SCFD2: variants seen among roughly 807,000 people sequenced by gnomAD.
The protein encoded by SCFD2 is sec1 family domain containing 2.
A neutral mutation model predicts 58.9 loss-of-function variants in SCFD2; 54 were observed. The observed-to-expected ratio is 0.92, with a 90% confidence interval of 0.74 to 1.15. The LOEUF (loss-of-function observed/expected upper bound fraction) is 1.15, where lower values mean the gene tolerates loss of function less well. SCFD2 is among the 50% of genes most tolerant of loss of function. The pLI, the probability that SCFD2 is intolerant of heterozygous loss-of-function variation, is 0.00. For synonymous variants in SCFD2, 321 were observed against 335.9 expected (o/e 0.96, Z 0.49); for missense variants, 805 against 836.6 (o/e 0.96, Z 0.47).
Position 52,908,882 on chromosome 4 carries a change from G to T in SCFD2, c.1708-1291C>A, listed in dbSNP as rs536861433. Among the ~76,000 whole-genome samples the T allele has an allele frequency of 4.6e-5, 7 of 152,284 alleles. No individual in the cohort carries two copies. In the East Asian group the frequency reaches 1.3e-3, roughly 29 times the overall value. On this transcript the variant is annotated intron_variant, in intron 6 of 8. Coordinates refer to ENST00000401642, the MANE Select transcript of SCFD2 (RefSeq NM_152540.4). ...AGTCAAACAGACCATTGTTTGTCCA[G>T]AGATCTCATGGTTACATGATCAGGA...
At chr4:53,199,809 G>C (rs532575638) in intron 4 of SCFD2, among the ~76,000 whole-genome samples, 1 of 152,238 alleles carries the variant, frequency 6.6e-6, no homozygotes, top group South Asian at 2.1e-4. Flanking sequence ...TATTTTCTCA[G>C]TTTTAGAAGC....
intron 4 of SCFD2, among the ~76,000 whole-genome samples, chr4:53,257,593 TA>T (rs1206098014): frequency 6.6e-6 from 1 of 151,674 alleles, no homozygotes; most frequent in South Asian, 2.1e-4. Context: ...TATACTCTAA[TA>T]AAAAAAAATT....
At chr4:53,027,989 G>A (rs4419529) in intron 5 of SCFD2, among the ~76,000 whole-genome samples, 24,522 of 152,038 alleles carry the variant, frequency 0.16, 3,623 homozygotes, top group African/African-American at 0.4. Flanking sequence ...GCTCATGCCT[G>A]TAATCCCAGC....
chr4:53,173,948 A>G (rs1727253497), intron 4 of SCFD2, among the ~76,000 whole-genome samples: 1 of 152,210 alleles, frequency 6.6e-6, no homozygotes, highest in African/African-American at 2.4e-5. Flanking sequence ...AGAATATGTT[A>G]TATAAAAAAT....
At chr4:53,251,170 A>C (rs1331602307) in intron 4 of SCFD2, among the ~76,000 whole-genome samples, 1 of 152,202 alleles carries the variant, frequency 6.6e-6, no homozygotes, top group African/African-American at 2.4e-5. Context: ...ACACTCTCCC[A>C]AGACTAAACC....
intron 6 of SCFD2, among the ~76,000 whole-genome samples, chr4:52,914,913 A>G (rs1719567737): frequency 6.6e-6 from 1 of 152,150 alleles, no homozygotes; most frequent in Non-Finnish European, 1.5e-5. Context: ...GATGGCTGAT[A>G]CACATGGAAT....
intron 4 of SCFD2, among the ~76,000 whole-genome samples, chr4:53,163,388 C>A (rs1392560819): frequency 6.6e-6 from 1 of 152,116 alleles, no homozygotes; most frequent in East Asian, 1.9e-4. Context: ...AAATGAACCA[C>A]CGCTCCTCTA....
intron 4 of SCFD2, among the ~76,000 whole-genome samples, chr4:53,211,243 A>G (rs1382610553): frequency 5.9e-5 from 1 of 16,866 alleles, no homozygotes; most frequent in African/African-American, 2.0e-4. Flanking sequence ...CTCCATGTGA[A>G]AAAAAAAAAA....
chr4:53,298,346 T>A (rs924831064), intron 3 of SCFD2, among the ~76,000 whole-genome samples: 2 of 152,144 alleles, frequency 1.3e-5, no homozygotes, highest in African/African-American at 4.8e-5. Context: ...CCTCGCTCAT[T>A]GCTAGCACAG....
intron 7 of SCFD2, among the ~76,000 whole-genome samples, chr4:52,886,891 T>C (rs1235506273): frequency 6.6e-6 from 1 of 152,256 alleles, no homozygotes; most frequent in African/African-American, 2.4e-5. Flanking sequence ...TTCTTCCTTG[T>C]TAATCTTCAG....
At chr4:53,130,973 T>C (rs1725770389) in intron 5 of SCFD2, among the ~76,000 whole-genome samples, 1 of 152,176 alleles carries the variant, frequency 6.6e-6, no homozygotes, top group African/African-American at 2.4e-5. Context: ...AATATCTCTA[T>C]CTACACGCAA....
chr4:52,885,840 G>C lies in SCFD2; in HGVS notation c.1869C>G (p.Tyr623Ter). The C allele has an allele frequency of 6.2e-7, 1 of 1,614,100 alleles. No homozygotes were observed. Among genetic ancestry groups the C allele is most frequent in the South Asian group, 1.1e-5 (1 of 91,080 alleles). ...MKVSRPHPSD[Y>*]PLLILFVVGG... ...CTACCACAAAGAGGATCAGGAGGGGGTAGTCACTAGGATGAGGCCGGCTCA... is the reference window on the plus strand; with the variant it reads ...CTACCACAAAGAGGATCAGGAGGGGCTAGTCACTAGGATGAGGCCGGCTCA... The change falls in exon 8 of 9, where the codon TAC (tyrosine) becomes TAG (stop). Residue 623 changes from tyrosine to a stop codon, truncating the protein, a stop_gained. Transcript: ENST00000401642. LOFTEE classifies it high-confidence loss of function.
At chr4:53,142,196 TTG>T (rs776430971) in intron 5 of SCFD2, among the ~76,000 whole-genome samples, 12 of 152,320 alleles carry the variant, frequency 7.9e-5, no homozygotes, top group Admixed American at 2.0e-4. Flanking sequence ...TACCCTGTGT[TTG>T]TGATTTTCAG....
At chr4:52,939,801 C>G (rs926609923) in intron 5 of SCFD2, among the ~76,000 whole-genome samples, 1 of 152,070 alleles carries the variant, frequency 6.6e-6, no homozygotes, top group African/African-American at 2.4e-5. Flanking sequence ...AATAAAGAAG[C>G]ACCATGAACG....
At chr4:53,233,363 G>T (rs769999376) in intron 4 of SCFD2, among the ~76,000 whole-genome samples, 3 of 151,948 alleles carry the variant, frequency 2.0e-5, no homozygotes, top group African/African-American at 7.3e-5. Flanking sequence ...TAACCAGAAT[G>T]GTTGTATCCT....
chr4:52,983,759 G>T (rs1224578831), intron 5 of SCFD2, among the ~76,000 whole-genome samples: 1 of 152,138 alleles, frequency 6.6e-6, no homozygotes, highest in Non-Finnish European at 1.5e-5. Flanking sequence ...GGTGCCCTCT[G>T]CTGGAAAGAA....
intron 4 of SCFD2, among the ~76,000 whole-genome samples, chr4:53,169,057 G>A (rs551772774): frequency 3.9e-5 from 6 of 152,266 alleles, no homozygotes; most frequent in African/African-American, 4.8e-5. Context: ...CCATGTTGTC[G>A]CAAATGAATG....
At chr4:53,003,113 C>T (rs1351003417) in intron 5 of SCFD2, among the ~76,000 whole-genome samples, 3 of 152,220 alleles carry the variant, frequency 2.0e-5, no homozygotes, top group Non-Finnish European at 2.9e-5. Flanking sequence ...CACGGGATTA[C>T]AATTCAACAT....
At chr4:53,005,087 G>A (rs1273119020) in intron 5 of SCFD2, among the ~76,000 whole-genome samples, 2 of 152,010 alleles carry the variant, frequency 1.3e-5, no homozygotes, top group African/African-American at 2.4e-5. Flanking sequence ...TAGTAGAGAC[G>A]GGGTTTCACT....
Sources: allele counts gnomAD v4.1 joint callset (sites outside exome capture counted in the v4.1 genomes callset), GRCh38; gene constraint gnomAD v4.1.1; transcripts MANE v1.5; gene names NCBI Gene and HGNC (gene_info 2026-07-23, HGNC 2026-07-21).